Variants in AGBL4 observed in about 807,000 individuals in gnomAD.
AGBL4 encodes the protein AGBL carboxypeptidase 4.
In AGBL4, 58 loss-of-function variants were observed where a neutral mutation model predicts 66.4. The ratio of observed to expected loss-of-function variants is 0.87; its 90% CI spans 0.71 to 1.09. AGBL4 has a LOEUF of 1.09. Ranked by LOEUF, AGBL4 falls within the 50% of genes least tolerant of loss-of-function variation. AGBL4 has a pLI of 0.00. For missense variants in AGBL4, 579 were observed against 631.0 expected, an observed-to-expected ratio of 0.92 and a Z score of 0.88; for synonymous variants, 234 against 222.9, an observed-to-expected ratio of 1.05 and a Z score of -0.44.
chr1:48,634,437 C>T (rs1393890649), intron 9 of AGBL4, 56 bp downstream of exon 9: 1 of 1,420,232 alleles, frequency 7.0e-7, no homozygotes, highest in Non-Finnish European at 9.7e-7. Flanking sequence ...TACAATGCTG[C>T]CCTTTCCCAG....
intron 3 of AGBL4, among the ~76,000 whole-genome samples, chr1:49,481,568 C>A (rs565672616): frequency 1.3e-5 from 2 of 152,022 alleles, no homozygotes; most frequent in South Asian, 4.2e-4. Flanking sequence ...ATGTCATCTG[C>A]AAACAAAAAT....
chr1:49,772,499 G>A (rs1438724987), intron 2 of AGBL4, among the ~76,000 whole-genome samples: 1 of 152,086 alleles, frequency 6.6e-6, no homozygotes, highest in African/African-American at 2.4e-5. Flanking sequence ...ATTAATTACT[G>A]TTTTTTGTTT....
chr1:48,833,763 G>T (rs921853587), intron 6 of AGBL4, among the ~76,000 whole-genome samples: 1 of 152,144 alleles, frequency 6.6e-6, no homozygotes, highest in Non-Finnish European at 1.5e-5. Flanking sequence ...ATGAAGCATG[G>T]TTGTTGGGCT....
At chr1:49,167,297 T>A (rs767239594) in intron 4 of AGBL4, among the ~76,000 whole-genome samples, 1 of 152,220 alleles carries the variant, frequency 6.6e-6, no homozygotes, top group Non-Finnish European at 1.5e-5. Flanking sequence ...TGGAATGTAG[T>A]CTACACACTC....
At chr1:49,586,019 C>A (rs1241169503) in intron 3 of AGBL4, among the ~76,000 whole-genome samples, 1 of 152,140 alleles carries the variant, frequency 6.6e-6, no homozygotes, top group East Asian at 1.9e-4. Context: ...AAAATAATAT[C>A]TTTGCTTGTT....
At chr1:49,501,433 C>T (rs2148764071) in intron 3 of AGBL4, among the ~76,000 whole-genome samples, 1 of 152,112 alleles carries the variant, frequency 6.6e-6, no homozygotes, top group East Asian at 1.9e-4. Context: ...CTCCTATCTG[C>T]CATCTTCCTC....
chr1:49,708,176 T>C (rs568851973), intron 2 of AGBL4, among the ~76,000 whole-genome samples: 3 of 152,184 alleles, frequency 2.0e-5, no homozygotes, highest in Non-Finnish European at 4.4e-5. Context: ...CTCCCCCTCA[T>C]TTTCAGGTAC....
chr1:49,842,386 A>C, intron 2 of AGBL4: 1 of 626,832 alleles, frequency 1.6e-6, no homozygotes, highest in East Asian at 6.9e-5. Flanking sequence ...GCATGTACCC[A>C]GGTGAGATGG....
intron 3 of AGBL4, among the ~76,000 whole-genome samples, chr1:49,586,887 G>C (rs1644658705): frequency 6.6e-6 from 1 of 152,000 alleles, no homozygotes; most frequent in Non-Finnish European, 1.5e-5. Flanking sequence ...CCTCTGTCTT[G>C]ACTCATCTAG....
intron 6 of AGBL4, among the ~76,000 whole-genome samples, chr1:48,815,995 C>A (rs1478184932): frequency 2.6e-5 from 4 of 151,696 alleles, no homozygotes; most frequent in South Asian, 4.2e-4. Context: ...ATTAGCTGCT[C>A]AAACTAAACA....
intron 2 of AGBL4, among the ~76,000 whole-genome samples, chr1:49,850,123 T>C (rs1372792679): frequency 6.6e-6 from 1 of 152,212 alleles, no homozygotes; most frequent in Non-Finnish European, 1.5e-5. Context: ...GTTGAAGTCC[T>C]AGCATCTTTA....
At chr1:49,858,384 A>T (rs1219792629) in intron 1 of AGBL4, among the ~76,000 whole-genome samples, 2 of 152,204 alleles carry the variant, frequency 1.3e-5, no homozygotes, top group African/African-American at 4.8e-5. Context: ...CCAGTACAGG[A>T]TATTTATCTA....
intron 2 of AGBL4, among the ~76,000 whole-genome samples, chr1:49,813,345 C>T (rs1023034251): frequency 1.3e-5 from 2 of 152,106 alleles, no homozygotes; most frequent in Non-Finnish European, 2.9e-5. Flanking sequence ...GTAGCCCTTG[C>T]TTAAGACACT....
intron 3 of AGBL4, among the ~76,000 whole-genome samples, chr1:49,563,565 A>C (rs1644110244): frequency 2.0e-5 from 3 of 152,168 alleles, no homozygotes; most frequent in Admixed American, 2.0e-4. Flanking sequence ...TATTGAGATA[A>C]TCATGTGGGT....
chr1:48,838,504 A>AC (rs1401049155), intron 6 of AGBL4, among the ~76,000 whole-genome samples: 1 of 152,098 alleles, frequency 6.6e-6, no homozygotes, highest in Non-Finnish European at 1.5e-5. Context: ...ATAAAACTAG[A>AC]CCCCTATCTC....
At chr1:49,784,977 A>T (rs1346029639) in intron 2 of AGBL4, among the ~76,000 whole-genome samples, 2 of 152,100 alleles carry the variant, frequency 1.3e-5, no homozygotes, top group African/African-American at 4.8e-5. Flanking sequence ...TTACTTACTC[A>T]TAAAACAAAG....
At chr1:49,419,907 A>G (rs780837864) in intron 3 of AGBL4, among the ~76,000 whole-genome samples, 1 of 152,194 alleles carries the variant, frequency 6.6e-6, no homozygotes, top group Non-Finnish European at 1.5e-5. Flanking sequence ...CTTGCTGTTC[A>G]AAGTGTGATT....
chr1:48,559,997 A>G (rs1453914814), intron 11 of AGBL4, among the ~76,000 whole-genome samples: 1 of 152,042 alleles, frequency 6.6e-6, no homozygotes, highest in Non-Finnish European at 1.5e-5. Context: ...CAGCCCTTCT[A>G]TCTTGGTCTC....
chr1:49,131,623 T>G (rs1168607143), intron 4 of AGBL4, among the ~76,000 whole-genome samples: 1 of 152,008 alleles, frequency 6.6e-6, no homozygotes, highest in African/African-American at 2.4e-5. Flanking sequence ...CATAACAGCA[T>G]GCACAAATAC....
Sources: allele counts gnomAD v4.1 joint callset (sites outside exome capture counted in the v4.1 genomes callset), GRCh38; gene constraint gnomAD v4.1.1; transcripts MANE v1.5; gene names NCBI Gene and HGNC (gene_info 2026-07-23, HGNC 2026-07-21).